HSP90AA1: variants seen among roughly 807,000 people sequenced by gnomAD.
The protein encoded by HSP90AA1 is heat shock protein 90 alpha family class A member 1.
Under a neutral mutation model 73.3 loss-of-function variants are expected in HSP90AA1, and 18 were observed. The ratio of observed to expected loss-of-function variants is 0.25; its 90% confidence interval spans 0.17 to 0.36. The LOEUF is 0.36. HSP90AA1 is among the 10% of genes least tolerant of loss of function. The pLI, the probability that HSP90AA1 is intolerant of heterozygous loss-of-function variation, is 1.00. For synonymous variants in HSP90AA1, 477 were observed against 296.9 expected (o/e 1.61, Z -6.24); for missense variants, 704 against 874.2 (o/e 0.81, Z 2.45).
chr14:102,113,198 A>G (rs1450976389), intron 1 of HSP90AA1, among the ~76,000 whole-genome samples: 1 of 151,308 alleles, frequency 6.6e-6, no homozygotes, highest in Admixed American at 6.6e-5. Flanking sequence ...TAATTCTTGT[A>G]TTTTTAGTAG....
rs1491063635 is a variant in HSP90AA1 at position 102,083,750 on chromosome 14, A to AAC, written c.1338+42_1338+43insGT. The AAC allele has an allele frequency of 4.6e-6, 7 of 1,534,956 alleles. No homozygotes were observed. In the African/African-American group the frequency reaches 7.0e-5, roughly 15 times the overall value. On this transcript the variant is annotated intron_variant, in intron 7 of 10. Coordinates refer to ENST00000216281, the MANE Select transcript of HSP90AA1 (RefSeq NM_005348.4). Reference sequence around the variant, plus strand: ...TCTGAATTAAAAAAAAAAAAAAAAAACTAAAGAGGCCAATTGGAAAACTAA... The same window carrying AAC: ...TCTGAATTAAAAAAAAAAAAAAAAAAACCTAAAGAGGCCAATTGGAAAACTAA...
chr14:102,092,837 G>A (rs535055759), intron 2 of HSP90AA1, among the ~76,000 whole-genome samples: 21 of 152,154 alleles, frequency 1.4e-4, no homozygotes, highest in African/African-American at 4.1e-4. Context: ...TGCAGCCTCT[G>A]CCTCCTCAGT....
chr14:102,085,467 T>A (rs755852378), intron 3 of HSP90AA1, 36 bp from the exon 4 acceptor site: 1 of 1,054,508 alleles, frequency 9.5e-7, no homozygotes, highest in Non-Finnish European at 1.4e-6. Flanking sequence ...CTTAATACAT[T>A]CAATTTAGTG....
chr14:102,083,732 T>TAAAAAAAAAAAAAAAAAAAA, intron 7 of HSP90AA1, 39 bp from the exon 8 acceptor site: 1 of 1,400,548 alleles, frequency 7.1e-7, no homozygotes. Context: ...CTTTCTGAAT[T>TAAAAAAAAAAAAAAAAAAAA]AAAAAAAAAA....
chr14:102,094,537 G>A (rs1434314617), intron 2 of HSP90AA1, among the ~76,000 whole-genome samples: 1 of 152,212 alleles, frequency 6.6e-6, no homozygotes, highest in African/African-American at 2.4e-5. Context: ...GTGTGGGGAA[G>A]GGCATGCAGG....
upstream of HSP90AA1, among the ~76,000 whole-genome samples, chr14:102,090,641 G>T (rs1055606710): frequency 2.0e-5 from 3 of 152,094 alleles, no homozygotes; most frequent in Non-Finnish European, 4.4e-5. Context: ...TAAGTAGAGA[G>T]GGGGTTTCAC....
In HSP90AA1 at chr14:102,139,676, A is replaced by C. The variant is rs2050216493; in HGVS notation, c.-272T>G. On this transcript the variant is annotated 5_prime_UTR_variant, in exon 1 of 12. Transcript: ENST00000334701. ...CCTGGGAAGCAGCCATGCCGCCCGG[A>C]GGCCACACCCGGGGGAGGAGCCTGC... 7.6e-6 allele frequency: 5 copies of C among 656,404 alleles called. No individual in the cohort carries two copies. In the South Asian group the frequency reaches 7.9e-5, roughly 10 times the overall value. The allele number at this position is 656,404 out of a possible 1,614,324, so 40.7% of individuals were successfully genotyped here.
At chr14:102,128,146 C>G (rs1029599807) in intron 1 of HSP90AA1, among the ~76,000 whole-genome samples, 1 of 152,106 alleles carries the variant, frequency 6.6e-6, no homozygotes, top group Non-Finnish European at 1.5e-5. Flanking sequence ...GCAGGGTGTC[C>G]TAGAGGAGAC....
chr14:102,087,274 C>T, upstream of HSP90AA1: 1 of 525,600 alleles, frequency 1.9e-6, no homozygotes, highest in Non-Finnish European at 2.4e-6. Context: ...CGCCGCCGCG[C>T]GCCTCTCGCA....
intron 1 of HSP90AA1, among the ~76,000 whole-genome samples, chr14:102,108,786 C>T (rs1365053447): frequency 3.3e-5 from 5 of 151,992 alleles, no homozygotes; most frequent in African/African-American, 1.2e-4. Context: ...CCACCCACCT[C>T]GGCCTCCCAA....
chr14:102,094,589 G>A (rs983022081), intron 2 of HSP90AA1, among the ~76,000 whole-genome samples: 8 of 152,184 alleles, frequency 5.3e-5, no homozygotes, highest in Non-Finnish European at 1.0e-4. Flanking sequence ...GAGGGTCTGC[G>A]GTGAAATATA....
chr14:102,113,082 A>G (rs2049661604), intron 1 of HSP90AA1, among the ~76,000 whole-genome samples: 1 of 151,660 alleles, frequency 6.6e-6, no homozygotes, highest in Non-Finnish European at 1.5e-5. Context: ...GGAGTGCAGT[A>G]GTGCGATCTT....
At chr14:102,096,297 C>T (rs76654198) in intron 2 of HSP90AA1, among the ~76,000 whole-genome samples, 7,064 of 152,232 alleles carry the variant, frequency 0.046, 563 homozygotes, top group African/African-American at 0.16. Flanking sequence ...TCACCTCCTC[C>T]GAGCTCACAG....
chr14:102,081,788 G>T lies in HSP90AA1; in HGVS notation c.2123C>A (p.Thr708Asn). Reference sequence around the variant, plus strand: ...CATTTCTTCAGTTACAGCAGCACTGGTATCATCAGCAGTAGGGTCATCTTC... The same window carrying T: ...CATTTCTTCAGTTACAGCAGCACTGTTATCATCAGCAGTAGGGTCATCTTC... ...IDEDDPTADD[T>N]SAAVTEEMPP... The change falls in exon 11 of 11, where the codon ACC (threonine) becomes AAC (asparagine). Residue 708 changes from threonine to asparagine, a missense_variant. Coordinates refer to ENST00000216281, the MANE Select transcript of HSP90AA1 (RefSeq NM_005348.4). The T allele has an allele frequency of 1.3e-6, 2 of 1,579,722 alleles. No homozygotes were observed. Among genetic ancestry groups the T allele is most frequent in the Non-Finnish European group, 8.7e-7 (1 of 1,148,722 alleles).
chr14:102,087,525 C>T (rs2049276373), upstream of HSP90AA1, among the ~76,000 whole-genome samples: 2 of 151,874 alleles, frequency 1.3e-5, no homozygotes, highest in Non-Finnish European at 2.9e-5. Flanking sequence ...GGAGAGCGGC[C>T]CGGGTCTCAC....
At chr14:102,135,650 C>G (rs976597657) in intron 1 of HSP90AA1, among the ~76,000 whole-genome samples, 1 of 152,396 alleles carries the variant, frequency 6.6e-6, no homozygotes, top group African/African-American at 2.4e-5. Flanking sequence ...TCCCGGAGCC[C>G]TGCCCCGCGG....
chr14:102,120,799 G>T (rs111286763), intron 1 of HSP90AA1, among the ~76,000 whole-genome samples: 1 of 151,476 alleles, frequency 6.6e-6, no homozygotes, highest in Non-Finnish European at 1.5e-5. Context: ...AAAAATTAGC[G>T]TGGCGGTGGG....
intron 2 of HSP90AA1, among the ~76,000 whole-genome samples, chr14:102,099,925 G>A (rs1002091886): frequency 6.6e-5 from 10 of 152,136 alleles, no homozygotes; most frequent in Non-Finnish European, 1.3e-4. Context: ...GGTGATTCAC[G>A]TCTGTAATTC....
intron 1 of HSP90AA1, among the ~76,000 whole-genome samples, chr14:102,132,515 TC>T (rs2049920659): frequency 6.6e-6 from 1 of 151,778 alleles, no homozygotes; most frequent in South Asian, 2.1e-4. Context: ...CCACTGTACT[TC>T]CAGACCAGGC....
Sources: allele counts gnomAD v4.1 joint callset (sites outside exome capture counted in the v4.1 genomes callset), GRCh38; gene constraint gnomAD v4.1.1; transcripts MANE v1.5; gene names NCBI Gene and HGNC (gene_info 2026-07-23, HGNC 2026-07-21).